LYST: variants seen among roughly 807,000 people sequenced by gnomAD.
LYST encodes the protein lysosomal trafficking regulator, also known as lysosomal-trafficking regulator.
A neutral mutation model predicts 413.6 loss-of-function variants in LYST; 192 were observed. That is an observed-to-expected ratio of 0.46 (90% CI 0.41 to 0.52). LYST has a LOEUF of 0.52. LYST is among the 20% of genes least tolerant of loss of function. The pLI, the probability that LYST is intolerant of heterozygous loss-of-function variation, is 0.00. For synonymous variants in LYST, 1,525 were observed against 1,567.3 expected (o/e 0.97, Z 0.64); for missense variants, 3,815 against 4,499.9 (o/e 0.85, Z 4.35).
intron 42 of LYST, among the ~76,000 whole-genome samples, chr1:235,713,394 G>A (rs897931795): frequency 6.6e-6 from 1 of 152,162 alleles, no homozygotes; most frequent in African/African-American, 2.4e-5. Flanking sequence ...CTAAGACTAA[G>A]GAAATACGGA....
chr1:235,763,402 T>C (rs1041907684), intron 21 of LYST, among the ~76,000 whole-genome samples: 4 of 138,842 alleles, frequency 2.9e-5, no homozygotes, highest in Non-Finnish European at 4.8e-5. Context: ...GGAGCTACCC[T>C]TGACCACTAC....
At chr1:235,755,080 CAAAAAAAAAAAAAA>C (rs763926458) in intron 25 of LYST, among the ~76,000 whole-genome samples, 1 of 28,984 alleles carries the variant, frequency 3.5e-5, no homozygotes, top group Non-Finnish European at 5.9e-5. Flanking sequence ...GACATTGTCT[CAAAAAAAAAAAAAA>C]AAAAAAAAAA....
chr1:235,685,421 A>G (rs570711772), intron 48 of LYST, among the ~76,000 whole-genome samples: 1 of 152,326 alleles, frequency 6.6e-6, no homozygotes, highest in Non-Finnish European at 1.5e-5. Flanking sequence ...ACTGGATCAT[A>G]TAACTCCTGT....
chr1:235,679,835 G>A (rs1029604670), intron 48 of LYST, among the ~76,000 whole-genome samples: 7 of 152,210 alleles, frequency 4.6e-5, no homozygotes, highest in Admixed American at 2.0e-4. Flanking sequence ...CCTGGGTGCC[G>A]TTTTCCATTT....
chr1:235,824,060 T>A (rs1018439906), intron 3 of LYST, among the ~76,000 whole-genome samples: 1 of 152,216 alleles, frequency 6.6e-6, no homozygotes, highest in African/African-American at 2.4e-5. Flanking sequence ...AGGTAGCCCA[T>A]TTCAGCAGTA....
intron 44 of LYST, among the ~76,000 whole-genome samples, chr1:235,705,449 G>A (rs765300265): frequency 3.3e-5 from 5 of 152,004 alleles, no homozygotes; most frequent in South Asian, 2.1e-4. Context: ...GCAGTGGCAC[G>A]ATCATGGCTC....
At chr1:235,863,392 C>T (rs1052426269) in intron 1 of LYST, among the ~76,000 whole-genome samples, 2 of 150,876 alleles carry the variant, frequency 1.3e-5, no homozygotes, top group Non-Finnish European at 2.9e-5. Context: ...ACTCTGTCTC[C>T]ACGGAAATCT....
In LYST at chr1:235,693,458, A is replaced by C. The variant is rs1266509452; in HGVS notation, c.10593T>G (p.Ile3531Met). ...CCCAGCTCAGGATGGCTGACCACTG[A>C]ATGTCCGTACTGTTCATGCTTCTCA... is the stretch of plus-strand genomic sequence containing the variant. ...QGVRSMNSTD[I>M]QWSAILSWGY... Residue 3531 changes from isoleucine to methionine, a missense_variant, in exon 47 of 53, where the codon ATT becomes ATG. Around this residue, in one of 4 missense-constraint regions of LYST, gnomAD observed 866 missense variants for 1,156.0 expected, o/e 0.75. Coordinates refer to ENST00000389793, the MANE Select transcript of LYST (RefSeq NM_000081.4). 1 of 1,613,918 alleles carries C rather than the reference A, an allele frequency of 6.2e-7. No homozygotes were observed. The highest frequency in any genetic ancestry group is 2.2e-5 in the East Asian group (1 of 44,886).
rs548292494 is a variant in LYST at position 235,873,763 on chromosome 1, C to CT, written n.454+9423dup. Among the ~76,000 whole-genome samples, 45 of 152,340 alleles carry CT rather than the reference C, an allele frequency of 3.0e-4. No homozygotes were observed. In the South Asian group the frequency reaches 9.3e-3, roughly 32 times the overall value. The stretch of plus-strand genomic sequence containing the variant: ...TGATTAACTTTCACCTGAAACCACA[C>CT]TAGCTGTTTATTTTGGAAGAGCAAA... On this transcript the variant is annotated intron_variant and non_coding_transcript_variant, in intron 1 of 11. Coordinates refer to the LYST transcript ENST00000465349.
chr1:235,859,790 G>T (rs1366219746), intron 1 of LYST, among the ~76,000 whole-genome samples: 1 of 152,082 alleles, frequency 6.6e-6, no homozygotes, highest in African/African-American at 2.4e-5. Flanking sequence ...GATTATTACT[G>T]TTGAGGTCTT....
intron 1 of LYST, among the ~76,000 whole-genome samples, chr1:235,844,759 G>A (rs571991936): frequency 2.0e-5 from 3 of 150,946 alleles, no homozygotes; most frequent in Admixed American, 2.0e-4. Flanking sequence ...GGGGGGAAGG[G>A]GACCAAAGAG....
rs1441127812 is a variant in LYST, at chr1:235,780,894, T to G, written c.5185A>C (p.Lys1729Gln). The G allele has an allele frequency of 6.4e-7, 1 of 1,551,178 alleles. No homozygotes were observed. Residue 1729 changes from lysine to glutamine, a missense_variant, in exon 16 of 53, where the codon AAG becomes CAG. By Grantham distance (53) the Lys-to-Gln change is moderately conservative. This residue lies in a region of LYST where 530 missense variants were observed against 696.5 expected (regional missense o/e 0.76). Coordinates refer to ENST00000389793, the MANE Select transcript of LYST (RefSeq NM_000081.4). ...CEQIRELFMTKKDVDIGLLIE... is the reference protein window; with the variant it reads ...CEQIRELFMTQKDVDIGLLIE... The stretch of plus-strand genomic sequence containing the variant: ...AAGAGACCAATATCCACATCTTTCT[T>G]GGTCATAAAAAGTTCTCTGATTTGT...
chr1:235,822,065 T>C (rs573428013), intron 3 of LYST, among the ~76,000 whole-genome samples: 2 of 152,210 alleles, frequency 1.3e-5, no homozygotes, highest in African/African-American at 4.8e-5. Context: ...TCACAACATT[T>C]TAAAGAAAGT....
At chr1:235,789,545 T>A (rs1670782732) in intron 12 of LYST, among the ~76,000 whole-genome samples, 1 of 152,202 alleles carries the variant, frequency 6.6e-6, no homozygotes, top group South Asian at 2.1e-4. Context: ...TAAAGCTATG[T>A]TATGATATAT....
chr1:235,813,868 C>T (rs1239408223), intron 3 of LYST, among the ~76,000 whole-genome samples: 1 of 152,144 alleles, frequency 6.6e-6, no homozygotes, highest in Non-Finnish European at 1.5e-5. Context: ...TGAGTTCTCG[C>T]CTTACACCAA....
At chr1:235,804,709 A>T in intron 6 of LYST, 44 bp from the exon 7 acceptor site, 1 of 1,118,572 alleles carries the variant, frequency 8.9e-7, no homozygotes, top group East Asian at 2.4e-5. Context: ...TAACCATTTT[A>T]AAAAACTAAA....
intron 1 of LYST, among the ~76,000 whole-genome samples, chr1:235,834,344 G>A (rs1410158134): frequency 2.6e-5 from 4 of 151,870 alleles, no homozygotes; most frequent in East Asian, 3.9e-4. Context: ...ATAGTTATGC[G>A]GCAAACATGA....
Position 235,791,754 on chromosome 1 carries a change from C to T in LYST, c.4488G>A (p.Lys1496=). 6.2e-7 allele frequency: 1 copy of T among 1,613,550 alleles called. No individual in the cohort carries two copies. Among genetic ancestry groups the T allele is most frequent in the East Asian group, 2.2e-5 (1 of 44,862 alleles). ...TTAATGATTTGTTTCTTTTCTTTATCTTCTTTCCTTTTTCTGTAGTACTCT... is the reference window on the plus strand; with the variant it reads ...TTAATGATTTGTTTCTTTTCTTTATTTTCTTTCCTTTTTCTGTAGTACTCT... ...EAESTTEKGK[K]IKKRNKSLIL... The change falls in exon 12 of 53, where the codon AAG becomes AAA. Residue 1496 remains lysine, a synonymous_variant. Coordinates refer to ENST00000389793, the MANE Select transcript of LYST (RefSeq NM_000081.4).
chr1:235,739,147 T>C (rs901177002), intron 31 of LYST, among the ~76,000 whole-genome samples: 4 of 152,204 alleles, frequency 2.6e-5, no homozygotes, highest in African/African-American at 9.7e-5. Flanking sequence ...TAGGAATGGT[T>C]TGTAAAATCC....
Sources: allele counts gnomAD v4.1 joint callset (sites outside exome capture counted in the v4.1 genomes callset), GRCh38; gene constraint gnomAD v4.1.1; regional missense constraint gnomAD v4.1.1; transcripts MANE v1.5; gene names NCBI Gene and HGNC (gene_info 2026-07-23, HGNC 2026-07-21).